Variants in RMC1 observed in about 807,000 individuals in gnomAD.
The protein encoded by RMC1 is regulator of MON1-CCZ1 complex.
In RMC1, 44 loss-of-function variants were observed where a neutral mutation model predicts 95.5. That is an observed-to-expected ratio of 0.46 (90% confidence interval 0.36 to 0.59). RMC1 has a LOEUF of 0.59. Among genes scored for constraint, RMC1 ranks in the 20% least tolerant of loss-of-function variants. The probability of loss-of-function intolerance (pLI) is 0.00; values close to 1 mark genes in which losing one functional copy is unlikely to be tolerated. For synonymous variants in RMC1, 320 were observed against 303.6 expected (o/e 1.05, Z -0.56); for missense variants, 705 against 819.6 (o/e 0.86, Z 1.71).
rs374224848 is a variant in RMC1, at chr18:23,523,543, CAAAAAAAA to C, written c.962-568_962-561del. Among the ~76,000 whole-genome samples the C allele has an allele frequency of 1.3e-4, 10 of 76,384 alleles. 1 individual carries two copies. Among genetic ancestry groups the C allele is most frequent in the East Asian group, 1.1e-3 (2 of 1,888 alleles). 50.1% of individuals were successfully genotyped at this position (76,384 alleles called of 152,430 possible). On this transcript the variant is annotated intron_variant, in intron 10 of 19. Transcript: ENST00000269221. ...CTAGGTAACATAGACCTTGTCTTCA[CAAAAAAAA>C]AAAAAAAAAAAAAAAAAAGAAAAAA... is the stretch of plus-strand genomic sequence containing the variant.
At chr18:23,504,344 G>C in intron 1 of RMC1, 27 bp from the exon 2 acceptor site, 1 of 1,610,380 alleles carries the variant, frequency 6.2e-7, no homozygotes, top group Non-Finnish European at 8.5e-7. Context: ...AGTTCAGGCT[G>C]TTAACCTTGC....
intron 12 of RMC1, 75 bp downstream of exon 12, chr18:23,524,557 G>A (rs2058237554): frequency 1.4e-6 from 2 of 1,474,882 alleles, no homozygotes; most frequent in Non-Finnish European, 1.9e-6. Flanking sequence ...AGCCAGGGAC[G>A]TTTTCAAGGT....
chr18:23,526,140 A>G (rs2058291887), intron 12 of RMC1, among the ~76,000 whole-genome samples: 1 of 152,218 alleles, frequency 6.6e-6, no homozygotes, highest in Non-Finnish European at 1.5e-5. Context: ...AGATGCTGGC[A>G]GTGTGGGTGA....
Position 23,527,815 on chromosome 18 carries a change from G to A in RMC1, c.1210G>A (p.Ala404Thr). 2 of 1,614,082 alleles carry A rather than the reference G, an allele frequency of 1.2e-6. No individual in the cohort carries two copies. The highest frequency in any genetic ancestry group is 2.2e-5 in the South Asian group (2 of 91,088). The change falls in exon 14 of 20, where the codon GCA (alanine) becomes ACA (threonine). Residue 404 changes from alanine to threonine, a missense_variant. Transcript: ENST00000269221. ...TCCAGTGTTAAGTGAGTCAGACAGA[G>A]CATCGCTGCCCGTGATAGCCACTGT... ...CSQMLSESDR[A>T]SLPVIATVFD...
In RMC1 at chr18:23,508,021, G is replaced by A; in HGVS notation, c.301G>A (p.Glu101Lys). ...TTTTATCCCTGATAATTCCCAGCTG[G>A]AATACACACAGGAGTGCAAGGTATG... Reference protein sequence around the residue: ...CNFIPDNSQLEYTQECKTKNA... With the variant: ...CNFIPDNSQLKYTQECKTKNA... Residue 101 changes from glutamate (E) to lysine (K), a missense_variant, in exon 4 of 20, where the codon GAA becomes AAA. Physicochemically the swap from Glu to Lys is moderately conservative, Grantham distance 56. Coordinates refer to ENST00000269221, the MANE Select transcript of RMC1 (RefSeq NM_013326.5). 6.2e-7 allele frequency: 1 copy of A among 1,610,908 alleles called. No homozygotes were observed. Among genetic ancestry groups the A allele is most frequent in the Non-Finnish European group, 8.5e-7 (1 of 1,178,814 alleles).
At chr18:23,506,932 C>A in intron 2 of RMC1, 38 bp from the exon 3 acceptor site, 2 of 1,392,622 alleles carry the variant, frequency 1.4e-6, no homozygotes, top group South Asian at 2.4e-5. Context: ...AGCTAGAATT[C>A]GGTTATTTAA....
rs776010486 is a variant in RMC1, at chr18:23,529,242, G to A, written c.1360G>A (p.Val454Met). ...LLKRPVRTQA[V>M]LDQSDVYTHV... The stretch of plus-strand genomic sequence containing the variant: ...CAAGAGGCCGGTGCGGACCCAGGCG[G>A]TGCTGGACCAGTCAGATGTGTACAC... Residue 454 changes from valine (V) to methionine (M), a missense_variant, in exon 15 of 20, where the codon GTG (valine) becomes ATG (methionine). Physicochemically the swap from Val to Met is conservative, Grantham distance 21 (BLOSUM62 1). Coordinates refer to ENST00000269221, the MANE Select transcript of RMC1 (RefSeq NM_013326.5). The A allele has an allele frequency of 1.9e-6, 3 of 1,614,072 alleles. No individual in the cohort carries two copies. The South Asian group carries it at 3.3e-5, about 18-fold the overall frequency.
intron 3 of RMC1, among the ~76,000 whole-genome samples, chr18:23,507,726 T>C (rs1598841564): frequency 6.6e-6 from 1 of 152,194 alleles, no homozygotes; most frequent in South Asian, 2.1e-4. Flanking sequence ...GCTTGAGGAA[T>C]GAATTTTTGA....
chr18:23,512,791 T>C (rs2057897855), intron 5 of RMC1, among the ~76,000 whole-genome samples: 1 of 152,144 alleles, frequency 6.6e-6, no homozygotes, highest in African/African-American at 2.4e-5. Context: ...TTAACTGTTT[T>C]TAAGTGTTCA....
chr18:23,507,469 G>A (rs2057744937), intron 3 of RMC1, among the ~76,000 whole-genome samples: 1 of 152,108 alleles, frequency 6.6e-6, no homozygotes, highest in Non-Finnish European at 1.5e-5. Flanking sequence ...GGTATTTTTG[G>A]CTACTTTGTG....
chr18:23,505,907 C>A (rs2057702915), intron 2 of RMC1, among the ~76,000 whole-genome samples: 1 of 152,124 alleles, frequency 6.6e-6, no homozygotes, highest in Admixed American at 6.5e-5. Context: ...TGGCTCATGC[C>A]TGTAATCCCA....
intron 9 of RMC1, among the ~76,000 whole-genome samples, chr18:23,519,581 A>G (rs2058093243): frequency 6.6e-6 from 1 of 152,090 alleles, no homozygotes; most frequent in Non-Finnish European, 1.5e-5. Context: ...TTATGCTAAG[A>G]GTTTTGGTCT....
chr18:23,513,793 TTGTG>T (rs780200904), intron 5 of RMC1, among the ~76,000 whole-genome samples: 28 of 152,234 alleles, frequency 1.8e-4, no homozygotes, highest in East Asian at 3.8e-4. Flanking sequence ...TTGAGCACTT[TTGTG>T]TGTGTGTTTT....
intron 12 of RMC1, among the ~76,000 whole-genome samples, chr18:23,525,159 T>C (rs1270580431): frequency 6.6e-6 from 1 of 151,786 alleles, no homozygotes; most frequent in Admixed American, 6.6e-5. Flanking sequence ...TTGGTCAGGC[T>C]GGTCTCAAAC....
chr18:23,526,529 T>G, intron 12 of RMC1, 108 bp from the exon 13 acceptor site: 1 of 1,405,458 alleles, frequency 7.1e-7, no homozygotes, highest in Non-Finnish European at 9.6e-7. Flanking sequence ...ACTTTGCGGC[T>G]TTTTATCACC....
In RMC1 at chr18:23,530,867, C is replaced by T. The variant is rs183184584; in HGVS notation, c.1894+255C>T. Among the ~76,000 whole-genome samples, 34 of 152,224 alleles carry T rather than the reference C, an allele frequency of 2.2e-4. 1 individual carries two copies. In the East Asian group the frequency reaches 6.5e-3, roughly 29 times the overall value. On this transcript the variant is annotated intron_variant, in intron 19 of 19. Coordinates refer to ENST00000269221, the MANE Select transcript of RMC1 (RefSeq NM_013326.5). Reference sequence around the variant, plus strand: ...CATTTAGGACCCAGATCAGGCACAGCCCATCTCTTATAGCAGATCTTGGAA... The same window carrying T: ...CATTTAGGACCCAGATCAGGCACAGTCCATCTCTTATAGCAGATCTTGGAA...
chr18:23,503,831 C>T (rs1045074125), intron 1 of RMC1, 111 bp downstream of exon 1: 2 of 926,582 alleles, frequency 2.2e-6, no homozygotes, highest in Admixed American at 4.2e-5. Flanking sequence ...CTGTCCCGTC[C>T]CGTCCCAGCG....
At chr18:23,504,537 G>C in intron 2 of RMC1, 90 bp downstream of exon 2, 3 of 1,262,642 alleles carry the variant, frequency 2.4e-6, no homozygotes, top group Non-Finnish European at 3.4e-6. Context: ...TTTGTCATTT[G>C]GTCTGCCCTA....
intron 10 of RMC1, chr18:23,522,759 C>T (rs1413198481): frequency 1.3e-5 from 2 of 152,324 alleles, no homozygotes; most frequent in Non-Finnish European, 2.9e-5. Context: ...GTCTGGGGAT[C>T]TAGGTAGTGT....
Sources: gnomAD v4.1 joint callset for allele counts (sites outside exome capture counted in the v4.1 genomes callset) on GRCh38, gnomAD v4.1.1 for gene constraint, MANE v1.5 for transcripts, NCBI Gene and HGNC (gene_info 2026-07-23, HGNC 2026-07-21) for gene names.